ABCD4: variants seen among roughly 807,000 people sequenced by gnomAD.
ABCD4 encodes the protein ATP binding cassette subfamily D member 4, also known as lysosomal cobalamin transporter ABCD4.
Under a neutral mutation model 86.3 loss-of-function variants are expected in ABCD4, and 53 were observed. That is an observed-to-expected ratio of 0.61 (90% confidence interval 0.49 to 0.77). The LOEUF is 0.77. Among genes scored for constraint, ABCD4 ranks in the 30% least tolerant of loss-of-function variants. ABCD4 has a pLI of 0.00. For synonymous variants in ABCD4, 328 were observed against 313.6 expected (o/e 1.05, Z -0.49); for missense variants, 757 against 764.5 (o/e 0.99, Z 0.12).
chr14:74,286,572 C>T (rs1232066322), intron 18 of ABCD4, 43 bp from the exon 19 acceptor site: 9 of 1,612,680 alleles, frequency 5.6e-6, no homozygotes, highest in Admixed American at 1.7e-5. Flanking sequence ...CTGCCCTGGC[C>T]GCTGGCAGAG....
intron 10 of ABCD4, 25 bp downstream of exon 10, chr14:74,292,525 GC>G (rs1394203230): frequency 1.2e-6 from 2 of 1,611,714 alleles, no homozygotes; most frequent in African/African-American, 2.7e-5. Flanking sequence ...TTGCTCAGGA[GC>G]CAGAGGGGTG....
chr14:74,292,961 G>A, intron 8 of ABCD4, 92 bp from the exon 9 acceptor site: 2 of 1,578,106 alleles, frequency 1.3e-6, no homozygotes, highest in Admixed American at 1.7e-5. Context: ...CGCCAAGTAG[G>A]GCCACGTGGA....
chr14:74,300,153 G>A lies in ABCD4; in HGVS notation c.154C>T (p.Leu52=). The A allele has an allele frequency of 1.9e-6, 3 of 1,605,898 alleles. No homozygotes were observed. The highest frequency in any genetic ancestry group is 1.7e-4 in the Middle Eastern group (1 of 5,950). ...MFLTLLCLTL[L]EQFVIYQVGL... ...TAGTCTGGGCTCACTCACTCACCCA[G>A]TAGGGTCAGGCACAAAAGGGTCAGG... Residue 52 remains leucine, a synonymous_variant, in exon 2 of 19, where the codon CTG becomes TTG. Transcript: ENST00000356924.
intron 7 of ABCD4, chr14:74,293,566 T>TA (rs1022264752): frequency 4.1e-5 from 10 of 245,996 alleles, no homozygotes; most frequent in African/African-American, 2.2e-4. Context: ...GAGCCAATAA[T>TA]ACCTATGTAA....
Position 74,298,013 on chromosome 14 carries a change from G to A in ABCD4, c.342C>T (p.Asp114=), listed in dbSNP as rs1269416852. The change falls in exon 4 of 19, where the codon GAC becomes GAT. Residue 114 remains aspartate (D), a synonymous_variant. Coordinates refer to ENST00000356924, the MANE Select transcript of ABCD4 (RefSeq NM_005050.4). ...CNLLYVSWRK[D]LTEHLHRLYF... ...AGAGGCGGTGAAGGTGCTCAGTGAG[G>A]TCCTTCCTCCAGCTCACATACAGCA... The A allele has an allele frequency of 5.6e-6, 9 of 1,613,892 alleles. No individual in the cohort carries two copies. In the Admixed American group the frequency reaches 1.2e-4, roughly 21 times the overall value.
At chr14:74,301,222 C>A (rs1246338593) in intron 1 of ABCD4, among the ~76,000 whole-genome samples, 7 of 147,380 alleles carry the variant, frequency 4.7e-5, no homozygotes, top group Non-Finnish European at 1.0e-4. Context: ...TGCAGTGGTG[C>A]GATCTCAGCT....
chr14:74,292,328 C>T lies in ABCD4; in HGVS notation c.1077G>A (p.Gln359=). The T allele has an allele frequency of 2.5e-6, 4 of 1,614,138 alleles. No homozygotes were observed. Among genetic ancestry groups the T allele is most frequent in the Non-Finnish European group, 3.4e-6 (4 of 1,180,028 alleles). Residue 359 remains glutamine (Q), a synonymous_variant, in exon 11 of 19, where the codon CAG becomes CAA. Coordinates refer to ENST00000356924, the MANE Select transcript of ABCD4 (RefSeq NM_005050.4). ...CGCTCTCGCCCAGGATCTCGCAGTCCTGTGACTTCAGGGACATGTCCAGAA... is the reference window on the plus strand; with the variant it reads ...CGCTCTCGCCCAGGATCTCGCAGTCTTGTGACTTCAGGGACATGTCCAGAA... ...ETLLDMSLKS[Q]DCEILGESEW...
chr14:74,288,822 G>A (rs12590962), intron 14 of ABCD4, 57 bp from the exon 15 acceptor site: 2 of 1,594,190 alleles, frequency 1.3e-6, no homozygotes, highest in Non-Finnish European at 1.7e-6. Context: ...GGTCAAAATA[G>A]ACAGGGCAAG....
At position 74,290,305 on chromosome 14, in the gene ABCD4, C is replaced by T; in HGVS notation, c.1313G>A (p.Trp438Ter). The change falls in exon 12 of 19, where the codon TGG (tryptophan) becomes TAG (stop). Residue 438 changes from tryptophan to a stop codon, truncating the protein, a stop_gained. Coordinates refer to ENST00000356924, the MANE Select transcript of ABCD4 (RefSeq NM_005050.4). LOFTEE classifies it high-confidence loss of function. Reference sequence around the variant, plus strand: ...CTGGCTCTCACCCCGTGTACTCGTCCAGAGGCCACCCAGAACCCGGAGCAA... The same window carrying T: ...CTGGCTCTCACCCCGTGTACTCGTCTAGAGGCCACCCAGAACCCGGAGCAA... ...TSLLRVLGGL[W>*]TSTRGSVQML... 1 of 1,614,204 alleles carries T rather than the reference C, an allele frequency of 6.2e-7. No individual in the cohort carries two copies. The highest frequency in any genetic ancestry group is 1.1e-5 in the South Asian group (1 of 91,080).
chr14:74,298,163 C>T, intron 3 of ABCD4, 94 bp from the exon 4 acceptor site: 1 of 1,528,164 alleles, frequency 6.5e-7, no homozygotes, highest in East Asian at 2.4e-5. Flanking sequence ...GCTGACCCAT[C>T]CCAGCCCACT....
intron 15 of ABCD4, 170 bp from the exon 16 acceptor site, chr14:74,288,429 G>T: frequency 1.5e-6 from 1 of 688,812 alleles, no homozygotes; most frequent in Non-Finnish European, 2.4e-6. Flanking sequence ...CAGGCAGAGA[G>T]GAATATTCTA....
intron 11 of ABCD4, 21 bp downstream of exon 11, chr14:74,292,266 C>G (rs771225392): frequency 1.2e-6 from 2 of 1,612,962 alleles, no homozygotes; most frequent in South Asian, 2.2e-5. Context: ...TCAACTACTG[C>G]TCTGCCAGCC....
intron 1 of ABCD4, among the ~76,000 whole-genome samples, chr14:74,300,546 T>C (rs2084149702): frequency 6.8e-6 from 1 of 146,440 alleles, no homozygotes. Context: ...GAGCTGAGAT[T>C]GCGCCATTGC....
intron 13 of ABCD4, 115 bp downstream of exon 13, chr14:74,289,912 C>A: frequency 6.4e-7 from 1 of 1,557,312 alleles, no homozygotes; most frequent in Non-Finnish European, 8.7e-7. Context: ...GGCCACTTCA[C>A]CACCTCACCT....
intron 7 of ABCD4, 107 bp downstream of exon 7, chr14:74,295,041 A>G: frequency 7.3e-7 from 1 of 1,374,422 alleles, no homozygotes; most frequent in Non-Finnish European, 1.0e-6. Context: ...AAGTGTGACA[A>G]CACTCAGCCC....
chr14:74,295,130 C>G lies in ABCD4; in HGVS notation c.719+18G>C, dbSNP rs2082511159. ...CAGCTCTGGCAAGGCAGAAGGGGAACCATCTCTCCAGACTCACCTGTAGAA... is the reference window on the plus strand; with the variant it reads ...CAGCTCTGGCAAGGCAGAAGGGGAAGCATCTCTCCAGACTCACCTGTAGAA... On this transcript the variant is annotated intron_variant, in intron 7 of 18. Transcript: ENST00000356924. The G allele has an allele frequency of 6.2e-7, 1 of 1,613,890 alleles. No homozygotes were observed. Among genetic ancestry groups the G allele is most frequent in the African/African-American group, 1.3e-5 (1 of 74,902 alleles).
intron 17 of ABCD4, among the ~76,000 whole-genome samples, chr14:74,287,607 T>C (rs1026620433): frequency 1.3e-5 from 2 of 150,442 alleles, no homozygotes; most frequent in African/African-American, 2.5e-5. Context: ...AGCAAGCTTA[T>C]GAGCTGGCAG....
At chr14:74,289,177 G>A in intron 14 of ABCD4, 1 of 1,261,388 alleles carries the variant, frequency 7.9e-7, no homozygotes, top group Non-Finnish European at 9.9e-7. Flanking sequence ...CAGGGGTGGG[G>A]GCCTCAGAAT....
chr14:74,295,549 G>A (rs2139995221), intron 6 of ABCD4, among the ~76,000 whole-genome samples: 1 of 152,358 alleles, frequency 6.6e-6, no homozygotes, highest in East Asian at 1.9e-4. Context: ...TCCAAGACAG[G>A]GCGGTTATGC....
Sources: gnomAD v4.1 joint callset for allele counts (sites outside exome capture counted in the v4.1 genomes callset) on GRCh38, gnomAD v4.1.1 for gene constraint, MANE v1.5 for transcripts, NCBI Gene and HGNC (gene_info 2026-07-23, HGNC 2026-07-21) for gene names.